The following UBAP2L variants were observed in gnomAD, a reference collection of about 807,000 sequenced individuals.
The protein encoded by UBAP2L is ubiquitin associated protein 2 like, also known as ubiquitin-associated protein 2-like.
In UBAP2L, 12 loss-of-function variants were observed where a neutral mutation model predicts 130.6. That is an observed-to-expected ratio of 0.09 (90% CI 0.06 to 0.15). The LOEUF (loss-of-function observed/expected upper bound fraction) is 0.15, where lower values mean the gene tolerates loss of function less well. UBAP2L is among the 10% of genes least tolerant of loss of function. The pLI is 1.00. For synonymous variants in UBAP2L, 503 were observed against 524.7 expected (o/e 0.96, Z 0.57); for missense variants, 965 against 1,332.5 (o/e 0.72, Z 4.29).
chr1:154,240,935 T>TCCCCCCCCC (rs71096517), intron 8 of UBAP2L, among the ~76,000 whole-genome samples: 3 of 80,740 alleles, frequency 3.7e-5, no homozygotes, highest in African/African-American at 8.6e-5. Context: ...TGTCTGTCTG[T>TCCCCCCCCC]CCCCCCCCCC....
At chr1:154,244,310 C>CT in intron 10 of UBAP2L, among the ~76,000 whole-genome samples, 2 of 152,328 alleles carry the variant, frequency 1.3e-5, no homozygotes, top group Admixed American at 1.3e-4. Flanking sequence ...CCATGACCGC[C>CT]TTTCAAGTTT....
chr1:154,220,654 G>A, upstream of UBAP2L: 7 of 568,632 alleles, frequency 1.2e-5, no homozygotes, highest in South Asian at 1.0e-4. Flanking sequence ...CAGGAGCGTC[G>A]AGCGCTCAGA....
intron 21 of UBAP2L, 95 bp from the exon 22 acceptor site, chr1:154,259,851 ACT>A: frequency 7.8e-7 from 1 of 1,284,698 alleles, no homozygotes. Context: ...AAATTGCACA[ACT>A]CTCACATTCT....
In UBAP2L at chr1:154,225,182, A is replaced by G. The variant is rs752684599; in HGVS notation, c.59A>G (p.Gln20Arg). 3.1e-6 allele frequency: 5 copies of G among 1,614,044 alleles called. No individual in the cohort carries two copies. Among genetic ancestry groups the G allele is most frequent in the Non-Finnish European group, 4.2e-6 (5 of 1,180,024 alleles). ...GGAAACTGGGAACAACCTCAAAACC[A>G]AAACCAGACACAGCACAAGCAGCGG... ...ARGNWEQPQN[Q>R]NQTQHKQRPQ... The change falls in exon 2 of 27, where the codon CAA (glutamine) becomes CGA (arginine). Residue 20 changes from glutamine (Q) to arginine (R), a missense_variant. Coordinates refer to ENST00000428931, the MANE Select transcript of UBAP2L (RefSeq NM_014847.4).
In UBAP2L at chr1:154,270,241, G is replaced by T; in HGVS notation, c.3210G>T (p.Gln1070His). ...GQRSQTSSIP[Q>H]KPQTNKSAYN... ...GTAGCCAGACCAGCTCCATCCCGCAGAAGCCCCAGACCAACAAGTCTGCCT... is the reference window on the plus strand; with the variant it reads ...GTAGCCAGACCAGCTCCATCCCGCATAAGCCCCAGACCAACAAGTCTGCCT... The change falls in exon 27 of 27, where the codon CAG (glutamine) becomes CAT (histidine). Residue 1070 changes from glutamine (Q) to histidine (H), a missense_variant. Around this residue, in one of 9 missense-constraint regions of UBAP2L, gnomAD observed 194 missense variants for 334.0 expected, o/e 0.58. Transcript: ENST00000428931. The T allele has an allele frequency of 1.2e-6, 2 of 1,613,262 alleles. No individual in the cohort carries two copies. Among genetic ancestry groups the T allele is most frequent in the Non-Finnish European group, 1.7e-6 (2 of 1,179,614 alleles).
In UBAP2L at chr1:154,268,925, C is replaced by T. The variant is rs1476212416; in HGVS notation, c.3139C>T (p.Leu1047Phe). ...CCATCAGCAGCCGCATTCTCAGATC[C>T]TTCACCATCACCTGCAGCAGGATGG... is the stretch of plus-strand genomic sequence containing the variant. ...TPHQQPHSQI[L>F]HHHLQQDGQT... is the part of the protein sequence containing the mutation. Residue 1047 changes from leucine to phenylalanine, a missense_variant, in exon 26 of 27, where the codon CTT becomes TTT. Around this residue, in one of 9 missense-constraint regions of UBAP2L, gnomAD observed 194 missense variants for 334.0 expected, o/e 0.58. Transcript: ENST00000428931. 6.2e-7 allele frequency: 1 copy of T among 1,613,804 alleles called. No homozygotes were observed. The highest frequency in any genetic ancestry group is 2.2e-5 in the East Asian group (1 of 44,858).
intron 12 of UBAP2L, among the ~76,000 whole-genome samples, chr1:154,249,780 T>G (rs1000260402): frequency 4.6e-5 from 7 of 151,384 alleles, no homozygotes; most frequent in African/African-American, 1.7e-4. Flanking sequence ...CTAAAAAAAT[T>G]GTTTTCAATT....
chr1:154,262,215 A>G (rs1323273781), intron 24 of UBAP2L, among the ~76,000 whole-genome samples: 2 of 152,228 alleles, frequency 1.3e-5, no homozygotes, highest in Admixed American at 1.3e-4. Context: ...AGGCGTGACC[A>G]TACTTAATAG....
chr1:154,257,206 C>G lies in UBAP2L; in HGVS notation c.2301C>G (p.Gly767=), dbSNP rs1679960473. Residue 767 remains glycine, a synonymous_variant, in exon 19 of 27, where the codon GGC becomes GGG. Coordinates refer to ENST00000428931, the MANE Select transcript of UBAP2L (RefSeq NM_014847.4). ...GCAGTAGCCTGGGCCTCAGCCTAGG[C>G]AGCAACTCCACTGTCACAGCCTCGA... ...NSGSSLGLSL[G]SNSTVTASTR... is the part of the protein sequence containing the mutation. The G allele has an allele frequency of 6.2e-7, 1 of 1,614,218 alleles. No individual in the cohort carries two copies. Among genetic ancestry groups the G allele is most frequent in the South Asian group, 1.1e-5 (1 of 91,086 alleles).
intron 14 of UBAP2L, 113 bp downstream of exon 14, chr1:154,251,766 G>C (rs368766314): frequency 1.9e-4 from 220 of 1,186,704 alleles, no homozygotes; most frequent in Non-Finnish European, 2.5e-4. Flanking sequence ...GGCTGAGGGG[G>C]AAAGTAGTCA....
intron 8 of UBAP2L, among the ~76,000 whole-genome samples, chr1:154,239,626 T>C (rs1672833229): frequency 6.6e-6 from 1 of 152,226 alleles, no homozygotes; most frequent in Non-Finnish European, 1.5e-5. Context: ...ATATCCTGAA[T>C]AGGAACATAC....
At chr1:154,252,054 A>C (rs894544104) in intron 14 of UBAP2L, among the ~76,000 whole-genome samples, 13 of 151,790 alleles carry the variant, frequency 8.6e-5, no homozygotes, top group African/African-American at 2.9e-4. Flanking sequence ...GCTTACTGCA[A>C]CCTCTGCCAC....
At chr1:154,251,441 T>C in intron 13 of UBAP2L, 40 bp from the exon 14 acceptor site, 1 of 1,604,310 alleles carries the variant, frequency 6.2e-7, no homozygotes. Flanking sequence ...AGTAAGGTTG[T>C]ATTAAAGCCA....
chr1:154,259,284 T>C (rs1275286284), intron 21 of UBAP2L, among the ~76,000 whole-genome samples: 2 of 151,960 alleles, frequency 1.3e-5, no homozygotes, highest in Non-Finnish European at 2.9e-5. Flanking sequence ...CTCCGCCGCC[T>C]GGGTTAAAGC....
intron 2 of UBAP2L, among the ~76,000 whole-genome samples, chr1:154,225,567 T>A (rs1667643243): frequency 6.6e-6 from 1 of 152,148 alleles, no homozygotes. Context: ...CCTCTGGGGC[T>A]TAAGTGATCC....
At chr1:154,222,456 C>T (rs1666580139) in intron 1 of UBAP2L, among the ~76,000 whole-genome samples, 1 of 152,174 alleles carries the variant, frequency 6.6e-6, no homozygotes, top group Admixed American at 6.5e-5. Flanking sequence ...ATGATTGTTT[C>T]CTTTGTGAAT....
chr1:154,256,012 G>T (rs1409533830), intron 18 of UBAP2L, among the ~76,000 whole-genome samples: 2 of 152,136 alleles, frequency 1.3e-5, no homozygotes, highest in Non-Finnish European at 2.9e-5. Context: ...ATATATAGTT[G>T]GGCTTTGTAT....
intron 24 of UBAP2L, among the ~76,000 whole-genome samples, chr1:154,262,409 T>C (rs1681862405): frequency 2.6e-5 from 4 of 152,200 alleles, no homozygotes; most frequent in Admixed American, 6.5e-5. Flanking sequence ...TGCTCTACTT[T>C]TGGAGGACAG....
At chr1:154,236,132 T>C (rs1318723106) in intron 6 of UBAP2L, among the ~76,000 whole-genome samples, 3 of 152,190 alleles carry the variant, frequency 2.0e-5, no homozygotes, top group Non-Finnish European at 4.4e-5. Flanking sequence ...ATGTGTAACA[T>C]GGGACAGAGA....
Sources: allele counts gnomAD v4.1 joint callset (sites outside exome capture counted in the v4.1 genomes callset), GRCh38; gene constraint gnomAD v4.1.1; regional missense constraint gnomAD v4.1.1; transcripts MANE v1.5; gene names NCBI Gene and HGNC (gene_info 2026-07-23, HGNC 2026-07-21).